The following UVRAG variants were observed in gnomAD, a reference collection of about 807,000 sequenced individuals.
UVRAG encodes UV radiation resistance associated.
UVRAG carries 19 observed loss-of-function variants against 78.0 expected under a neutral mutation model. The ratio of observed to expected loss-of-function variants is 0.24; its 90% CI spans 0.17 to 0.36. The LOEUF (loss-of-function observed/expected upper bound fraction) is 0.36, where lower values mean the gene tolerates loss of function less well. Ranked by LOEUF, UVRAG falls within the 10% of genes least tolerant of loss-of-function variation. UVRAG has a pLI of 1.00. For synonymous variants in UVRAG, 323 were observed against 324.6 expected (o/e 1.00, Z 0.05); for missense variants, 740 against 853.8 (o/e 0.87, Z 1.66).
rs1555075377 is a variant in UVRAG at position 75,857,497 on chromosome 11, C to CCT, written c.236-4249_236-4248insCT. Among the ~76,000 whole-genome samples, 490 of 147,764 alleles carry CCT rather than the reference C, an allele frequency of 3.3e-3. 1 individual carries two copies. The highest frequency in any genetic ancestry group is 0.012 in the African/African-American group (461 of 39,810). ...TGCAGATCTTTCTTTTTCCCCCCCC[C>CCT]TTTTTTTTTTGAGATGGAGTCTCGC... On this transcript the variant is annotated intron_variant, in intron 2 of 14. Transcript: ENST00000356136.
intron 6 of UVRAG, among the ~76,000 whole-genome samples, chr11:75,923,136 A>G (rs1948016204): frequency 1.3e-5 from 2 of 151,146 alleles, no homozygotes; most frequent in African/African-American, 4.9e-5. Flanking sequence ...AAAAAGGAAA[A>G]TATTTTAAAT....
At chr11:75,824,566 GA>G (rs1206159239) in intron 1 of UVRAG, among the ~76,000 whole-genome samples, 1 of 150,072 alleles carries the variant, frequency 6.7e-6, no homozygotes, top group Non-Finnish European at 1.5e-5. Context: ...ATGGTAGAAT[GA>G]AAAAAAATTA....
At chr11:75,823,043 G>A (rs560946911) in intron 1 of UVRAG, among the ~76,000 whole-genome samples, 61 of 152,240 alleles carry the variant, frequency 4.0e-4, no homozygotes, top group African/African-American at 1.4e-3. Flanking sequence ...CCTAGGAAAC[G>A]CTGAGGGACT....
At chr11:75,887,448 G>GTTT (rs1253746430) in intron 4 of UVRAG, among the ~76,000 whole-genome samples, 6 of 114,142 alleles carry the variant, frequency 5.3e-5, no homozygotes, top group African/African-American at 6.6e-5. Context: ...CCTGGCGCAG[G>GTTT]TTTTTTTTTT....
At chr11:76,012,609 A>G (rs1461596090) in intron 11 of UVRAG, among the ~76,000 whole-genome samples, 1 of 152,136 alleles carries the variant, frequency 6.6e-6, no homozygotes, top group Non-Finnish European at 1.5e-5. Context: ...GATAGACTTT[A>G]TGCTGCATGG....
intron 8 of UVRAG, among the ~76,000 whole-genome samples, chr11:76,002,224 T>C (rs1404109860): frequency 6.6e-6 from 1 of 152,206 alleles, no homozygotes; most frequent in Non-Finnish European, 1.5e-5. Context: ...TTCTTCTCTA[T>C]CTGAGCCTAA....
At chr11:75,934,720 C>G (rs2135117860) in intron 6 of UVRAG, among the ~76,000 whole-genome samples, 1 of 152,288 alleles carries the variant, frequency 6.6e-6, no homozygotes, top group South Asian at 2.1e-4. Flanking sequence ...GCAAAAACAT[C>G]TCATACCTAA....
intron 12 of UVRAG, among the ~76,000 whole-genome samples, chr11:76,061,090 G>A (rs575740522): frequency 1.3e-5 from 2 of 152,308 alleles, no homozygotes; most frequent in Admixed American, 6.5e-5. Flanking sequence ...TACACCAGTC[G>A]GCACTCTGTA....
At chr11:75,883,389 A>G (rs962764407) in intron 4 of UVRAG, among the ~76,000 whole-genome samples, 3 of 144,558 alleles carry the variant, frequency 2.1e-5, no homozygotes, top group Admixed American at 6.9e-5. Context: ...AAAAGAAAAG[A>G]AAAAAAAAAA....
chr11:75,828,805 A>G (rs7929527), intron 1 of UVRAG, among the ~76,000 whole-genome samples: 2 of 100,274 alleles, frequency 2.0e-5, no homozygotes, highest in Non-Finnish European at 3.7e-5. Flanking sequence ...ATATATATAT[A>G]TTTTTTTTTT....
intron 5 of UVRAG, among the ~76,000 whole-genome samples, chr11:75,907,896 A>AT (rs879614774): frequency 4.6e-5 from 7 of 151,840 alleles, no homozygotes; most frequent in Non-Finnish European, 8.8e-5. Flanking sequence ...TCTTTAAAAA[A>AT]TTTTTTTTGT....
intron 3 of UVRAG, among the ~76,000 whole-genome samples, chr11:75,866,047 A>G (rs1021901488): frequency 8.6e-5 from 13 of 152,000 alleles, no homozygotes; most frequent in African/African-American, 3.1e-4. Context: ...GCTTGAGCCT[A>G]GGAGTTCAAG....
intron 8 of UVRAG, among the ~76,000 whole-genome samples, chr11:76,003,300 C>G (rs1949858402): frequency 9.5e-6 from 1 of 105,116 alleles, no homozygotes; most frequent in South Asian, 3.4e-4. Flanking sequence ...GAGACAGAGT[C>G]TCGTTCTCTT....
chr11:76,011,591 T>A (rs1018710901), intron 11 of UVRAG, among the ~76,000 whole-genome samples: 6 of 152,180 alleles, frequency 3.9e-5, no homozygotes, highest in Admixed American at 3.9e-4. Flanking sequence ...ACCACTGCAC[T>A]CCAGCCTGAG....
intron 7 of UVRAG, among the ~76,000 whole-genome samples, chr11:75,967,794 G>C (rs545143613): frequency 1.3e-5 from 2 of 152,154 alleles, no homozygotes; most frequent in Admixed American, 1.3e-4. Context: ...TTGCAATATC[G>C]TAAGTCTCGC....
In UVRAG at chr11:75,879,732, G is replaced by C. The variant is rs1448080340; in HGVS notation, c.271-147G>C. ...CATTATCACCCCTTTTGTGTTAATT[G>C]TAATGTCTTCTTGGCTTACTTAAGT... On this transcript the variant is annotated intron_variant, in intron 3 of 14. Coordinates refer to ENST00000356136, the MANE Select transcript of UVRAG (RefSeq NM_003369.4). 4 of 990,226 alleles carry C rather than the reference G, an allele frequency of 4.0e-6. No homozygotes were observed. The East Asian group carries it at 9.7e-5, about 24-fold the overall frequency. 61.3% of individuals were successfully genotyped at this position (990,226 alleles called of 1,614,324 possible). A position where few individuals can be genotyped will look rare whatever the true frequency, so the allele number is the denominator to read the frequency against.
intron 7 of UVRAG, among the ~76,000 whole-genome samples, chr11:75,978,739 C>A: frequency 6.6e-6 from 1 of 152,208 alleles, no homozygotes; most frequent in East Asian, 1.9e-4. Flanking sequence ...AAGGTCTTCT[C>A]TACGCTGTTT....
chr11:76,098,415 CAG>C (rs1022709171), intron 13 of UVRAG, among the ~76,000 whole-genome samples: 9 of 152,148 alleles, frequency 5.9e-5, no homozygotes, highest in African/African-American at 2.2e-4. Flanking sequence ...CAAGGTCATA[CAG>C]AGAGTAACTC....
At chr11:75,950,352 T>G (rs1432633908) in intron 6 of UVRAG, among the ~76,000 whole-genome samples, 43 of 152,196 alleles carry the variant, frequency 2.8e-4, no homozygotes, top group Admixed American at 2.8e-3. Context: ...CTCAAGCTCC[T>G]GAACTCAAGG....
Sources: gnomAD v4.1 joint callset for allele counts (sites outside exome capture counted in the v4.1 genomes callset) on GRCh38, gnomAD v4.1.1 for gene constraint, MANE v1.5 for transcripts, NCBI Gene and HGNC (gene_info 2026-07-23, HGNC 2026-07-21) for gene names.